SIRPA: variants seen among roughly 807,000 people sequenced by gnomAD.
SIRPA encodes signal regulatory protein alpha.
SIRPA carries 9 observed loss-of-function variants against 50.3 expected under a neutral mutation model. The observed-to-expected ratio is 0.18, with a 90% CI of 0.11 to 0.31. The LOEUF (loss-of-function observed/expected upper bound fraction) is 0.31. SIRPA is among the 10% of genes least tolerant of loss of function. The pLI is 1.00. For missense variants in SIRPA, 474 were observed against 661.6 expected, an observed-to-expected ratio of 0.72 and a Z score of 3.11; for synonymous variants, 265 against 284.1, an observed-to-expected ratio of 0.93 and a Z score of 0.68.
At chr20:1,899,220 A>G (rs926670553) in intron 1 of SIRPA, among the ~76,000 whole-genome samples, 3 of 151,786 alleles carry the variant, frequency 2.0e-5, no homozygotes, top group Non-Finnish European at 4.4e-5. Flanking sequence ...AAAAAAAACA[A>G]AAAAACACAA....
Position 1,921,940 on chromosome 20 carries a change from G to A in SIRPA, c.754+228G>A, listed in dbSNP as rs559859392. 2.8e-4 allele frequency among the ~76,000 whole-genome samples: 43 copies of A among 152,228 alleles called. 1 individual carries two copies. In the South Asian group the frequency reaches 4.2e-3, roughly 15 times the overall value. On this transcript the variant is annotated intron_variant, in intron 3 of 7. Transcript: ENST00000358771. ...CCAGGTGCCAAGGACTGTGCTAGCC[G>A]TTTCATTTATTTCACTGATAGCAAA... is the stretch of plus-strand genomic sequence containing the variant.
At chr20:1,901,801 A>G (rs1442040046) in intron 1 of SIRPA, among the ~76,000 whole-genome samples, 1 of 152,126 alleles carries the variant, frequency 6.6e-6, no homozygotes, top group Admixed American at 6.5e-5. Context: ...ATGGCTGCAG[A>G]TTAGCGCCAA....
chr20:1,908,766 C>G (rs183701291), intron 1 of SIRPA, among the ~76,000 whole-genome samples: 1 of 152,232 alleles, frequency 6.6e-6, no homozygotes, highest in Non-Finnish European at 1.5e-5. Flanking sequence ...TTAATGTACA[C>G]TCATGTTCAC....
intron 1 of SIRPA, among the ~76,000 whole-genome samples, chr20:1,910,035 G>A (rs1205174011): frequency 6.6e-6 from 1 of 152,164 alleles, no homozygotes; most frequent in Non-Finnish European, 1.5e-5. Flanking sequence ...CACAGGAAGG[G>A]GCCGGGAGAT....
At chr20:1,917,578 G>A (rs939635464) in intron 2 of SIRPA, among the ~76,000 whole-genome samples, 11 of 152,188 alleles carry the variant, frequency 7.2e-5, no homozygotes, top group Non-Finnish European at 1.5e-4. Flanking sequence ...GAGTAGGAGG[G>A]ACTGGCCCCC....
intron 6 of SIRPA, among the ~76,000 whole-genome samples, chr20:1,929,648 G>A (rs1209242728): frequency 6.6e-6 from 1 of 152,044 alleles, no homozygotes; most frequent in East Asian, 1.9e-4. Flanking sequence ...GGGGCCTCCT[G>A]GTCTGAGCCC....
intron 2 of SIRPA, among the ~76,000 whole-genome samples, chr20:1,918,255 A>G (rs529745633): frequency 6.6e-5 from 10 of 151,358 alleles, no homozygotes; most frequent in East Asian, 1.9e-4. Context: ...CTGGAGTGCA[A>G]TGGCACCATC....
chr20:1,914,403 T>A (rs1985095910), intron 1 of SIRPA, among the ~76,000 whole-genome samples: 1 of 152,200 alleles, frequency 6.6e-6, no homozygotes, highest in East Asian at 1.9e-4. Flanking sequence ...TCCATCGAGG[T>A]GGGGTCATAG....
chr20:1,916,783 G>A (rs1985328048), intron 2 of SIRPA, among the ~76,000 whole-genome samples: 1 of 152,168 alleles, frequency 6.6e-6, no homozygotes, highest in Non-Finnish European at 1.5e-5. Flanking sequence ...GTCCTGCAGT[G>A]GATGACCTTA....
chr20:1,923,536 A>G (rs538357075), intron 4 of SIRPA, among the ~76,000 whole-genome samples: 10 of 152,316 alleles, frequency 6.6e-5, no homozygotes, highest in Middle Eastern at 3.4e-3. Flanking sequence ...GCATCGGCCA[A>G]TGCTGGGTTT....
Position 1,937,366 on chromosome 20 carries a change from A to G in SIRPA, c.1313A>G (p.Lys438Arg). Residue 438 changes from lysine to arginine, a missense_variant, in exon 8 of 8, where the codon AAG becomes AGG. By Grantham distance (26) the Lys-to-Arg change is conservative (BLOSUM62 2). Coordinates refer to ENST00000358771, the MANE Select transcript of SIRPA (RefSeq NM_001040023.2). This position sits in a 1 kb window ranked among gnomAD's most constrained non-coding sequence, Gnocchi z 8.3. ...TYADLNLPKGKKPAPQAAEPN... is the reference protein window; with the variant it reads ...TYADLNLPKGRKPAPQAAEPN... ...GCAGACCTGAACCTGCCCAAGGGGA[A>G]GAAGCCTGCTCCCCAGGCTGCGGAG... 6.2e-7 allele frequency: 1 copy of G among 1,614,128 alleles called. No homozygotes were observed.
intron 1 of SIRPA, among the ~76,000 whole-genome samples, chr20:1,897,095 T>A (rs1392668665): frequency 6.6e-6 from 1 of 152,220 alleles, no homozygotes; most frequent in African/African-American, 2.4e-5. Flanking sequence ...AAACGAGCAG[T>A]GACGCTGATT....
At chr20:1,916,294 C>A in intron 2 of SIRPA, among the ~76,000 whole-genome samples, 1 of 152,158 alleles carries the variant, frequency 6.6e-6, no homozygotes, top group Non-Finnish European at 1.5e-5. Flanking sequence ...CAGGAAGGAC[C>A]CTCAGACCAT....
intron 3 of SIRPA, 26 bp downstream of exon 3, chr20:1,921,738 C>T (rs1238804458): frequency 5.6e-6 from 9 of 1,614,054 alleles, no homozygotes; most frequent in South Asian, 1.1e-5. Flanking sequence ...CCAGCCCAAG[C>T]CCACACCTGA....
At position 1,937,097 on chromosome 20, in the gene SIRPA, C is replaced by G. The variant is rs1014995018; in HGVS notation, c.1267-223C>G. Among the ~76,000 whole-genome samples the G allele has an allele frequency of 6.6e-6, 1 of 151,856 alleles. No individual in the cohort carries two copies. Among genetic ancestry groups the G allele is most frequent in the African/African-American group, 2.4e-5 (1 of 41,242 alleles). On this transcript the variant is annotated intron_variant, in intron 7 of 7. Transcript: ENST00000358771. This position sits in a 1 kb window ranked among gnomAD's most constrained non-coding sequence, Gnocchi z 8.3. ...TGTGAGGAGACTGCACTGTGCGGGT[C>G]AGAAAGACCCTTCAGGCAGGGTGAG...
At chr20:1,905,585 A>T in intron 1 of SIRPA, among the ~76,000 whole-genome samples, 1 of 152,164 alleles carries the variant, frequency 6.6e-6, no homozygotes, top group Non-Finnish European at 1.5e-5. Context: ...AGGACCTCCC[A>T]ACCTCAGCCT....
rs1396049693 is a variant in SIRPA at position 1,898,379 on chromosome 20, TC to T, written c.79+2854del. ...CAACCCCTCGGAAACTCACGGTAATTCACGTCTGTACTTGCAGTCATGCAGC... is the reference window on the plus strand; with the variant it reads ...CAACCCCTCGGAAACTCACGGTAATTACGTCTGTACTTGCAGTCATGCAGC... On this transcript the variant is annotated intron_variant, in intron 1 of 7. Coordinates refer to ENST00000358771, the MANE Select transcript of SIRPA (RefSeq NM_001040023.2). This position sits in a 1 kb window ranked among gnomAD's most constrained non-coding sequence, Gnocchi z 4.3. Among the ~76,000 whole-genome samples, 1 of 152,174 alleles carries T rather than the reference TC, an allele frequency of 6.6e-6. No individual in the cohort carries two copies. Among genetic ancestry groups the T allele is most frequent in the Admixed American group, 6.5e-5 (1 of 15,282 alleles).
intron 1 of SIRPA, among the ~76,000 whole-genome samples, chr20:1,906,121 A>G (rs1984530320): frequency 6.6e-6 from 1 of 152,196 alleles, no homozygotes; most frequent in South Asian, 2.1e-4. Flanking sequence ...CATCCTCAGA[A>G]CAACCCTAGT....
chr20:1,930,487 C>T (rs894017450), intron 6 of SIRPA, among the ~76,000 whole-genome samples: 3 of 152,262 alleles, frequency 2.0e-5, no homozygotes, highest in African/African-American at 7.2e-5. Context: ...ACCACTGTAG[C>T]ACGTCCCACT....
Sources: gnomAD v4.1 joint callset for allele counts (sites outside exome capture counted in the v4.1 genomes callset) on GRCh38, gnomAD v4.1.1 for gene constraint, Gnocchi (gnomAD v3.1) non-coding constraint, MANE v1.5 for transcripts, NCBI Gene and HGNC (gene_info 2026-07-23, HGNC 2026-07-21) for gene names.